The following CD48 variants were observed in gnomAD, a reference collection of about 807,000 sequenced individuals.
CD48 encodes CD48 molecule, also known as CD48 antigen.
A neutral mutation model predicts 22.0 loss-of-function variants in CD48; 20 were observed. That is an observed-to-expected ratio of 0.91 (90% CI 0.64 to 1.32). The LOEUF (loss-of-function observed/expected upper bound fraction) is 1.32, where lower values mean the gene tolerates loss of function less well. Among genes scored for constraint, CD48 ranks in the 40% most tolerant of loss-of-function variants. The pLI is 0.00. For missense variants in CD48, 307 were observed against 286.5 expected, an observed-to-expected ratio of 1.07 and a Z score of -0.52; for synonymous variants, 110 against 110.1, an observed-to-expected ratio of 1.00 and a Z score of 0.01.
intron 2 of CD48, 199 bp downstream of exon 2, chr1:160,684,688 T>C: frequency 6.8e-7 from 1 of 1,471,658 alleles, no homozygotes; most frequent in African/African-American, 1.4e-5. Flanking sequence ...GTGTTAAATG[T>C]CCTAAGATTG....
chr1:160,709,167 C>T (rs781605178), intron 1 of CD48, among the ~76,000 whole-genome samples: 3 of 144,826 alleles, frequency 2.1e-5, no homozygotes, highest in South Asian at 2.3e-4. Flanking sequence ...CAATACATAG[C>T]GGAAACAGAG....
intron 1 of CD48, among the ~76,000 whole-genome samples, chr1:160,694,950 G>A (rs1034597426): frequency 6.6e-6 from 1 of 152,254 alleles, no homozygotes; most frequent in Non-Finnish European, 1.5e-5. Context: ...TTGTAATTCA[G>A]AAGAAATCCA....
At position 160,679,105 on chromosome 1, in the gene CD48, C is replaced by A. The variant is rs1159249892; in HGVS notation, c.679G>T (p.Ala227Ser). Reference protein sequence around the residue: ...LARSFGVEWIASWLVVTVPTI... With the variant: ...LARSFGVEWISSWLVVTVPTI... ...GGCACCGTGACCACTAGCCAACTTG[C>A]AATCCATTCTACTCCAAAGGACCGG... The change falls in exon 4 of 4, where the codon GCA becomes TCA. Residue 227 changes from alanine (A) to serine (S), a missense_variant. By Grantham distance (99) the Ala-to-Ser change is moderately conservative. Coordinates refer to ENST00000368046, the MANE Select transcript of CD48 (RefSeq NM_001778.4). 4 of 1,614,008 alleles carry A rather than the reference C, an allele frequency of 2.5e-6. No homozygotes were observed. The highest frequency in any genetic ancestry group is 3.3e-5 in the Admixed American group (2 of 60,006).
intron 2 of CD48, 150 bp from the exon 3 acceptor site, chr1:160,681,618 G>T: frequency 2.0e-6 from 2 of 991,236 alleles, no homozygotes; most frequent in Non-Finnish European, 3.0e-6. Flanking sequence ...GGGAGCCAGT[G>T]AGCAGCCTTG....
intron 1 of CD48, among the ~76,000 whole-genome samples, chr1:160,706,282 C>A (rs1012154361): frequency 1.3e-4 from 20 of 152,140 alleles, no homozygotes; most frequent in African/African-American, 4.8e-4. Flanking sequence ...CCATGTTGGT[C>A]AGGCTAGTCT....
At chr1:160,710,795 C>A (rs1662926006) in intron 1 of CD48, among the ~76,000 whole-genome samples, 1 of 152,160 alleles carries the variant, frequency 6.6e-6, no homozygotes, top group African/African-American at 2.4e-5. Context: ...TACCTCATCT[C>A]CCCAAAAGTT....
chr1:160,703,613 A>G (rs150745270), intron 1 of CD48, among the ~76,000 whole-genome samples: 1 of 152,338 alleles, frequency 6.6e-6, no homozygotes, highest in East Asian at 1.9e-4. Flanking sequence ...AACGTAAGCA[A>G]TCAACACACT....
rs764808208 is a variant in CD48, at chr1:160,711,760, A to G, written c.4T>C (p.Cys2Arg). The G allele has an allele frequency of 6.2e-7, 1 of 1,612,860 alleles. No homozygotes were observed. The highest frequency in any genetic ancestry group is 8.5e-7 in the Non-Finnish European group (1 of 1,178,928). The change falls in exon 1 of 4, where the codon TGC (cysteine) becomes CGC (arginine). Residue 2 changes from cysteine to arginine, a missense_variant. Transcript: ENST00000368046. ...AGACACGAATCCCAACCTCTGGAGCACATGCTTCCTTCCAGAACTTCCCAG... is the reference window on the plus strand; with the variant it reads ...AGACACGAATCCCAACCTCTGGAGCGCATGCTTCCTTCCAGAACTTCCCAG... M[C>R]SRGWDSCLAL... is the part of the protein sequence containing the mutation.
intron 1 of CD48, among the ~76,000 whole-genome samples, chr1:160,699,962 TCG>T (rs1421027021): frequency 6.6e-6 from 1 of 152,122 alleles, no homozygotes; most frequent in African/African-American, 2.4e-5. Flanking sequence ...TCCAAGTCTC[TCG>T]TTCCACCTTA....
At chr1:160,706,938 T>C (rs1369965101) in intron 1 of CD48, among the ~76,000 whole-genome samples, 1 of 152,084 alleles carries the variant, frequency 6.6e-6, no homozygotes, top group Non-Finnish European at 1.5e-5. Context: ...TCCTCATATA[T>C]TGAGAAAAAT....
chr1:160,680,566 G>A, intron 3 of CD48: 1 of 991,256 alleles, frequency 1.0e-6, no homozygotes, highest in Non-Finnish European at 1.2e-6. Context: ...TCCCATGCTA[G>A]CACCAGTGTA....
intron 3 of CD48, 110 bp downstream of exon 3, chr1:160,681,092 G>A (rs971604907): frequency 1.3e-6 from 2 of 1,571,728 alleles, no homozygotes; most frequent in African/African-American, 1.4e-5. Flanking sequence ...ACACCTTAGG[G>A]ATTCACCACC....
Position 160,703,708 on chromosome 1 carries a change from A to G in CD48, c.82+7974T>C, listed in dbSNP as rs572139908. 2.4e-4 allele frequency among the ~76,000 whole-genome samples: 37 copies of G among 152,312 alleles called. 1 individual carries two copies. The South Asian group carries it at 7.5e-3, about 31-fold the overall frequency. On this transcript the variant is annotated intron_variant, in intron 1 of 3. Transcript: ENST00000368046. Reference sequence around the variant, plus strand: ...CTAGAATAAGGTAAGGGGAGTCACAAGTACTGGTAGGGGCAAAAGGGTGAA... The same window carrying G: ...CTAGAATAAGGTAAGGGGAGTCACAGGTACTGGTAGGGGCAAAAGGGTGAA...
intron 1 of CD48, among the ~76,000 whole-genome samples, chr1:160,696,973 C>G (rs1453137646): frequency 6.6e-6 from 1 of 151,122 alleles, no homozygotes; most frequent in African/African-American, 2.4e-5. Flanking sequence ...ATAGAACACT[C>G]AAAACTCAAT....
intron 1 of CD48, among the ~76,000 whole-genome samples, chr1:160,710,878 G>A (rs1056959571): frequency 1.3e-5 from 2 of 152,172 alleles, no homozygotes; most frequent in Admixed American, 6.5e-5. Flanking sequence ...TACTCAGAGT[G>A]GTGAGCATTA....
intron 1 of CD48, among the ~76,000 whole-genome samples, chr1:160,696,850 T>A (rs1662444693): frequency 6.7e-6 from 1 of 148,832 alleles, no homozygotes; most frequent in African/African-American, 2.5e-5. Flanking sequence ...AAACTGACAA[T>A]GGACCAGGAT....
In CD48 at chr1:160,678,865, G is replaced by A; in HGVS notation, c.*187C>T. ...TGTATCTCTATATCTCTGTGTACTA[G>A]AAAACAACAAAGGGATATAAAATTA... On this transcript the variant is annotated 3_prime_UTR_variant, in exon 4 of 4. Transcript: ENST00000368046. 1.8e-6 allele frequency: 1 copy of A among 558,664 alleles called. No individual in the cohort carries two copies. 34.6% of individuals were successfully genotyped at this position (558,664 alleles called of 1,614,324 possible).
intron 1 of CD48, among the ~76,000 whole-genome samples, chr1:160,705,346 G>A (rs1017546129): frequency 3.9e-5 from 6 of 152,124 alleles, no homozygotes; most frequent in Admixed American, 3.9e-4. Context: ...CCTCATACAT[G>A]TATCCCACTA....
intron 1 of CD48, among the ~76,000 whole-genome samples, chr1:160,691,092 G>A (rs963619545): frequency 6.6e-6 from 1 of 152,142 alleles, no homozygotes; most frequent in East Asian, 1.9e-4. Context: ...AAGCCTGCAG[G>A]GGCCTCTGCC....
Sources: allele counts gnomAD v4.1 joint callset (sites outside exome capture counted in the v4.1 genomes callset), GRCh38; gene constraint gnomAD v4.1.1; transcripts MANE v1.5; gene names NCBI Gene and HGNC (gene_info 2026-07-23, HGNC 2026-07-21).